The following JAML variants were observed in gnomAD, a reference collection of about 807,000 sequenced individuals.
JAML encodes junction adhesion molecule like.
JAML carries 25 observed loss-of-function variants against 39.3 expected under a neutral mutation model. The ratio of observed to expected loss-of-function variants is 0.64; its 90% CI spans 0.46 to 0.89. The LOEUF (loss-of-function observed/expected upper bound fraction) is 0.89. Ranked by LOEUF, JAML falls within the 40% of genes least tolerant of loss-of-function variation. The pLI is 0.00. For missense variants in JAML, 440 were observed against 486.9 expected (o/e 0.90, Z 0.91); for synonymous variants, 162 against 179.2 (o/e 0.90, Z 0.77).
At chr11:118,194,751 T>C (rs1190456697) in intron 9 of JAML, among the ~76,000 whole-genome samples, 1 of 152,198 alleles carries the variant, frequency 6.6e-6, no homozygotes, top group Admixed American at 6.5e-5. Flanking sequence ...AAGGTGCCAC[T>C]ACATTTACAT....
At chr11:118,216,569 G>T (rs1949146028) in intron 1 of JAML, among the ~76,000 whole-genome samples, 1 of 152,062 alleles carries the variant, frequency 6.6e-6, no homozygotes, top group African/African-American at 2.4e-5. Context: ...GGATCTAATA[G>T]TATAACGTAG....
chr11:118,195,778 C>A (rs1194766998), intron 9 of JAML, among the ~76,000 whole-genome samples: 1 of 152,158 alleles, frequency 6.6e-6, no homozygotes, highest in Non-Finnish European at 1.5e-5. Flanking sequence ...GAAAACGACT[C>A]ACAGCAACAC....
chr11:118,212,606 T>C, intron 2 of JAML, 45 bp from the exon 3 acceptor site: 2 of 1,601,096 alleles, frequency 1.2e-6, no homozygotes, highest in Non-Finnish European at 1.7e-6. Flanking sequence ...AGACAAATAC[T>C]CTCAACAACA....
chr11:118,212,453 C>T lies in JAML; in HGVS notation c.152G>A (p.Cys51Tyr). ...GCVFQSTEDK[C>Y]IFKIDWTLSP... ...CAGAGTCCAGTCTATCTTGAATATA[C>T]ATTTGTCTTCTGTGCTCTGGAAAAC... is the stretch of plus-strand genomic sequence containing the variant. Residue 51 changes from cysteine (C) to tyrosine (Y), a missense_variant, in exon 3 of 10, where the codon TGT (cysteine) becomes TAT (tyrosine). Physicochemically the swap from Cys to Tyr is radical, Grantham distance 194. Transcript: ENST00000356289. 6.2e-7 allele frequency: 1 copy of T among 1,614,190 alleles called. No individual in the cohort carries two copies. The highest frequency in any genetic ancestry group is 8.5e-7 in the Non-Finnish European group (1 of 1,180,020).
intron 1 of JAML, among the ~76,000 whole-genome samples, chr11:118,217,955 C>T (rs1949165157): frequency 6.6e-6 from 1 of 152,264 alleles, no homozygotes; most frequent in African/African-American, 2.4e-5. Context: ...TTCCTCCTGA[C>T]TGAATGGTCT....
At chr11:118,211,172 C>T (rs560831492) in intron 3 of JAML, among the ~76,000 whole-genome samples, 15 of 152,298 alleles carry the variant, frequency 9.8e-5, no homozygotes, top group East Asian at 1.9e-4. Context: ...ACCCTCCTCC[C>T]GGCAGCAGTA....
intron 1 of JAML, among the ~76,000 whole-genome samples, chr11:118,223,779 C>T (rs916691589): frequency 3.3e-5 from 5 of 152,098 alleles, no homozygotes; most frequent in Non-Finnish European, 5.9e-5. Context: ...GTGGCACCCC[C>T]TCCCTCCAAA....
chr11:118,199,692 TA>T (rs376797145), intron 7 of JAML, among the ~76,000 whole-genome samples: 3,196 of 75,902 alleles, frequency 0.042, 102 homozygotes, highest in African/African-American at 0.12. Flanking sequence ...TTATTATTAT[TA>T]TTTTTTTTTT....
chr11:118,202,186 T>A (rs1298385977), intron 6 of JAML: 1 of 152,220 alleles, frequency 6.6e-6, no homozygotes, highest in African/African-American at 2.4e-5. Context: ...TTGGCTATGT[T>A]GAGAAAGAAA....
chr11:118,217,350 C>T (rs1304509619), intron 1 of JAML, among the ~76,000 whole-genome samples: 2 of 152,288 alleles, frequency 1.3e-5, no homozygotes, highest in African/African-American at 2.4e-5. Flanking sequence ...GCACTAAAGC[C>T]GAGTAACTCA....
Position 118,196,815 on chromosome 11 carries a change from T to G in JAML, c.1012A>C (p.Ile338Leu). Residue 338 changes from isoleucine (I) to leucine (L), a missense_variant, in exon 9 of 10, where the codon ATT becomes CTT. Physicochemically the swap from Ile to Leu is conservative, Grantham distance 5. Coordinates refer to ENST00000356289, the MANE Select transcript of JAML (RefSeq NM_001098526.2). ...HFERCEGEKH[I>L]YSPIIVREVI... ...TCCCGTACAATTATTGGGGAGTAAA[T>G]GTGTTTCTAGAGGGGGAAAATGGTA... 1 of 1,610,504 alleles carries G rather than the reference T, an allele frequency of 6.2e-7. No individual in the cohort carries two copies. Among genetic ancestry groups the G allele is most frequent in the East Asian group, 2.2e-5 (1 of 44,854 alleles).
intron 2 of JAML, chr11:118,212,941 G>A (rs749003541): frequency 1.2e-6 from 2 of 1,614,168 alleles, no homozygotes; most frequent in South Asian, 2.2e-5. Context: ...GTTGTTCCTT[G>A]CTCTTAAATC....
intron 2 of JAML, chr11:118,212,829 T>C: frequency 1.9e-6 from 3 of 1,613,278 alleles, no homozygotes; most frequent in Non-Finnish European, 2.5e-6. Context: ...TCTGGAATTC[T>C]TCCTCCCAAC....
rs753962552 is a variant in JAML at position 118,203,587 on chromosome 11, G to A, written c.613C>T (p.Arg205Cys). The change falls in exon 6 of 10, where the codon CGT (arginine) becomes TGT (cysteine). Residue 205 changes from arginine to cysteine, a missense_variant. Arg to Cys is a radical substitution (Grantham distance 180). Transcript: ENST00000356289. ...AAAATGTCCCCCACCAGGTTCACACGATTCTGGAAGTGGCCCCAGCTCTGG... is the reference window on the plus strand; with the variant it reads ...AAAATGTCCCCCACCAGGTTCACACAATTCTGGAAGTGGCCCCAGCTCTGG... ...YSQSWGHFQNRVNLVGDIFRN... is the reference protein window; with the variant it reads ...YSQSWGHFQNCVNLVGDIFRN... 7 of 1,614,038 alleles carry A rather than the reference G, an allele frequency of 4.3e-6. No individual in the cohort carries two copies. The highest frequency in any genetic ancestry group is 1.1e-5 in the South Asian group (1 of 91,090).
At chr11:118,198,917 C>T (rs1352929063) in intron 7 of JAML, among the ~76,000 whole-genome samples, 4 of 152,160 alleles carry the variant, frequency 2.6e-5, no homozygotes, top group South Asian at 2.1e-4. Flanking sequence ...TACAACTGTC[C>T]TTCCAAGCCT....
chr11:118,199,557 G>T (rs1302467659), intron 7 of JAML, among the ~76,000 whole-genome samples: 2 of 152,202 alleles, frequency 1.3e-5, no homozygotes, highest in Admixed American at 6.5e-5. Flanking sequence ...TCGATAGTTG[G>T]ATAAACTGAG....
intron 6 of JAML, chr11:118,201,955 G>A (rs1353178297): frequency 1.3e-5 from 2 of 152,248 alleles, no homozygotes; most frequent in East Asian, 3.8e-4. Context: ...TGGAAAACTT[G>A]TGTAGAGTTG....
intron 1 of JAML, among the ~76,000 whole-genome samples, chr11:118,220,522 CAGACTCTCAAAA>C (rs1475753352): frequency 6.6e-6 from 1 of 152,246 alleles, no homozygotes; most frequent in Non-Finnish European, 1.5e-5. Flanking sequence ...ATTTAACCCT[CAGACTCTCAAAA>C]AGAAACATCT....
intron 1 of JAML, chr11:118,223,897 T>G (rs1246874329): frequency 6.6e-6 from 1 of 152,140 alleles, no homozygotes; most frequent in Non-Finnish European, 1.5e-5. Flanking sequence ...TACAATATCA[T>G]GAGACAAAAT....
Sources: allele counts gnomAD v4.1 joint callset (sites outside exome capture counted in the v4.1 genomes callset), GRCh38; gene constraint gnomAD v4.1.1; transcripts MANE v1.5; gene names NCBI Gene and HGNC (gene_info 2026-07-23, HGNC 2026-07-21).